ALS2: variants seen among roughly 807,000 people sequenced by gnomAD.
ALS2 encodes alsin Rho guanine nucleotide exchange factor ALS2.
ALS2 carries 117 observed loss-of-function variants against 203.4 expected under a neutral mutation model. The ratio of observed to expected loss-of-function variants is 0.58; its 90% CI spans 0.50 to 0.67. ALS2 has a LOEUF of 0.67. Among genes scored for constraint, ALS2 ranks in the 30% least tolerant of loss-of-function variants. ALS2 has a pLI of 0.00. For synonymous variants in ALS2, 718 were observed against 725.9 expected, an observed-to-expected ratio of 0.99 and a Z score of 0.17; for missense variants, 1,715 against 1,989.4, an observed-to-expected ratio of 0.86 and a Z score of 2.62.
chr2:201,751,107 C>T (rs962338162), intron 7 of ALS2, among the ~76,000 whole-genome samples: 1 of 152,142 alleles, frequency 6.6e-6, no homozygotes, highest in Non-Finnish European at 1.5e-5. Flanking sequence ...CCCACCTCAA[C>T]CTCCCAAAGT....
intron 27 of ALS2, 49 bp from the exon 28 acceptor site, chr2:201,708,040 T>C (rs750853185): frequency 9.6e-6 from 15 of 1,560,282 alleles, no homozygotes; most frequent in Non-Finnish European, 1.2e-5. Flanking sequence ...TCTAGGGGGG[T>C]TGAAAAGCAT....
Position 201,757,418 on chromosome 2 carries a change from A to G in ALS2, c.1455T>C (p.Pro485=), listed in dbSNP as rs759504127. 4 of 1,613,948 alleles carry G rather than the reference A, an allele frequency of 2.5e-6. No individual in the cohort carries two copies. In the South Asian group the frequency reaches 3.3e-5, roughly 13 times the overall value. ...TEGGSRRLSL[P]GLLSQVSPRL... is the part of the protein sequence containing the mutation. ...TTTCCTTACCTTGTGACAACAATCC[A>G]GGGAGGGAGAGTCTTCGACTGCCTC... The change falls in exon 5 of 34, where the codon CCT becomes CCC. Residue 485 remains proline (P), a synonymous_variant. Coordinates refer to ENST00000264276, the MANE Select transcript of ALS2 (RefSeq NM_020919.4).
intron 3 of ALS2, among the ~76,000 whole-genome samples, chr2:201,766,124 G>C (rs1292314156): frequency 6.6e-6 from 1 of 152,140 alleles, no homozygotes. Context: ...ACAAACATTA[G>C]CTATTATTAG....
chr2:201,779,345 T>C (rs970889359), intron 1 of ALS2, among the ~76,000 whole-genome samples: 5 of 152,212 alleles, frequency 3.3e-5, no homozygotes, highest in African/African-American at 1.2e-4. Context: ...ACTTTGACGT[T>C]TTCTTGCTAT....
intron 3 of ALS2, 70 bp downstream of exon 3, chr2:201,767,159 A>G: frequency 9.4e-6 from 15 of 1,593,922 alleles, no homozygotes; most frequent in Non-Finnish European, 1.3e-5. Flanking sequence ...TGACTCCCAT[A>G]CCTGACCTTC....
rs768018989 is a variant in ALS2 at position 201,760,961 on chromosome 2, C to T, written c.1033G>A (p.Val345Ile). The T allele has an allele frequency of 4.3e-6, 7 of 1,614,076 alleles. No homozygotes were observed. Among genetic ancestry groups the T allele is most frequent in the Non-Finnish European group, 5.9e-6 (7 of 1,180,044 alleles). ...GACAGTTTCCGTAGGTATTCATTGA[C>T]TGCTTGGGTGTCAGGGTATGATGGT... ...NIPSYPDTQA[V>I]NEYLRKLSDH... is the part of the protein sequence containing the mutation. The change falls in exon 4 of 34, where the codon GTC becomes ATC. Residue 345 changes from valine to isoleucine, a missense_variant. Around this residue, in one of 3 missense-constraint regions of ALS2, gnomAD observed 476 missense variants for 539.3 expected, o/e 0.88. Coordinates refer to ENST00000264276, the MANE Select transcript of ALS2 (RefSeq NM_020919.4).
intron 5 of ALS2, 104 bp from the exon 6 acceptor site, chr2:201,754,775 G>T: frequency 7.8e-7 from 1 of 1,286,328 alleles, no homozygotes. Flanking sequence ...GCCACCAATG[G>T]TATTTTTGAA....
chr2:201,764,407 G>C (rs1262537455), intron 3 of ALS2, among the ~76,000 whole-genome samples: 1 of 151,728 alleles, frequency 6.6e-6, no homozygotes, highest in African/African-American at 2.4e-5. Flanking sequence ...AGAGGCAGGC[G>C]AATCACTAGG....
chr2:201,772,766 GTACTTT>G lies in ALS2; in HGVS notation c.-60-3827_-60-3822del, dbSNP rs1694459111. ...TTATACTTAACTTGGTTTCTTTTAT[GTACTTT>G]GAACATTTACTTCATTTTGGAGAGT... On this transcript the variant is annotated intron_variant, in intron 1 of 33. Transcript: ENST00000264276. Among the ~76,000 whole-genome samples the G allele has an allele frequency of 2.7e-5, 4 of 150,022 alleles. No individual in the cohort carries two copies. The South Asian group carries it at 8.4e-4, about 32-fold the overall frequency.
chr2:201,752,853 T>G (rs1693150262), intron 7 of ALS2, among the ~76,000 whole-genome samples: 1 of 152,184 alleles, frequency 6.6e-6, no homozygotes, highest in Admixed American at 6.5e-5. Context: ...AATCTGGGGT[T>G]CTCTTTTTAG....
At chr2:201,757,225 T>C (rs945098163) in intron 5 of ALS2, among the ~76,000 whole-genome samples, 177 bp downstream of exon 5, 24 of 152,334 alleles carry the variant, frequency 1.6e-4, no homozygotes, top group African/African-American at 5.8e-4. Flanking sequence ...AACTTTATAG[T>C]GATATCTAAA....
Position 201,701,616 on chromosome 2 carries a change from G to T in ALS2, c.*235C>A. 4.0e-6 allele frequency: 2 copies of T among 504,852 alleles called. No homozygotes were observed. The highest frequency in any genetic ancestry group is 7.1e-6 in the Non-Finnish European group (2 of 281,624). 31.3% of individuals were successfully genotyped at this position (504,852 alleles called of 1,614,324 possible). On this transcript the variant is annotated 3_prime_UTR_variant, in exon 34 of 34. Coordinates refer to ENST00000264276, the MANE Select transcript of ALS2 (RefSeq NM_020919.4). ...ATGGTATTTTTGGAACTTATCATAG[G>T]CCAAGAACTGGTCTAATCTGATTTT...
chr2:201,779,676 G>T (rs1694812451), intron 1 of ALS2, among the ~76,000 whole-genome samples: 1 of 152,170 alleles, frequency 6.6e-6, no homozygotes, highest in Non-Finnish European at 1.5e-5. Flanking sequence ...ACACGTAAAG[G>T]TACTGTTATC....
chr2:201,725,173 C>T (rs531603184), intron 20 of ALS2, among the ~76,000 whole-genome samples, 183 bp downstream of exon 20: 41 of 151,736 alleles, frequency 2.7e-4, no homozygotes, highest in African/African-American at 9.9e-4. Context: ...TTTAATCCTG[C>T]GATAGATGAG....
intron 33 of ALS2, among the ~76,000 whole-genome samples, chr2:201,703,737 C>A (rs1559027242): frequency 6.6e-6 from 1 of 152,184 alleles, no homozygotes; most frequent in Non-Finnish European, 1.5e-5. Context: ...AATTCAAATT[C>A]ATTATTTACA....
intron 11 of ALS2, among the ~76,000 whole-genome samples, chr2:201,739,014 G>A (rs1692070943): frequency 2.0e-5 from 3 of 152,010 alleles, no homozygotes; most frequent in Non-Finnish European, 2.9e-5. Flanking sequence ...TAAGGCGGGA[G>A]GATCGCTTGA....
Position 201,744,424 on chromosome 2 carries a change from T to C in ALS2, c.2004A>G (p.Gly668=), listed in dbSNP as rs766414217. 61 of 1,613,834 alleles carry C rather than the reference T, an allele frequency of 3.8e-5. 1 individual carries two copies. The highest frequency in any genetic ancestry group is 6.7e-5 in the Admixed American group (4 of 59,994). Reference sequence around the variant, plus strand: ...TTCCTGCTGTCACTCTGCTTATATATCCAAGCTGAAACAGAAGAAAACAAA... The same window carrying C: ...TTCCTGCTGTCACTCTGCTTATATACCCAAGCTGAAACAGAAGAAAACAAA... The part of the protein sequence containing the change: ...TPVLLSCSKL[G]YISRVTAGKD... The change falls in exon 10 of 34, where the codon GGA becomes GGG. Residue 668 remains glycine (G), a synonymous_variant. Transcript: ENST00000264276.
chr2:201,741,258 T>C (rs1021946822), intron 11 of ALS2: 2 of 154,872 alleles, frequency 1.3e-5, no homozygotes, highest in East Asian at 1.9e-4. Flanking sequence ...CTTCCATTTA[T>C]ATAAAAGTCA....
chr2:201,748,321 C>T (rs1018848824), intron 8 of ALS2, among the ~76,000 whole-genome samples: 5 of 152,244 alleles, frequency 3.3e-5, no homozygotes, highest in Admixed American at 1.3e-4. Flanking sequence ...TTGCAAAGGA[C>T]GCATTACAAT....
Sources: allele counts gnomAD v4.1 joint callset (sites outside exome capture counted in the v4.1 genomes callset), GRCh38; gene constraint gnomAD v4.1.1; regional missense constraint gnomAD v4.1.1; transcripts MANE v1.5; gene names NCBI Gene and HGNC (gene_info 2026-07-23, HGNC 2026-07-21).